KIAA0513: variants seen among roughly 807,000 people sequenced by gnomAD.
KIAA0513 encodes uncharacterized protein KIAA0513.
A neutral mutation model predicts 56.5 loss-of-function variants in KIAA0513; 39 were observed. That is an observed-to-expected ratio of 0.69 (90% CI 0.53 to 0.90). KIAA0513 has a LOEUF of 0.90. KIAA0513 is among the 40% of genes least tolerant of loss of function. The pLI is 0.00. For missense variants in KIAA0513, 591 were observed against 535.2 expected (o/e 1.10, Z -1.03); for synonymous variants, 268 against 215.6 (o/e 1.24, Z -2.13).
rs1460366309 is a variant in KIAA0513, at chr16:85,057,757, C to CTT, written c.-172-9139_-172-9138dup. On this transcript the variant is annotated intron_variant, in intron 1 of 12. Transcript: ENST00000683363. ...ATCTCCACTGGAGAGGCTGCCTCTG[C>CTT]TTTTTGTTTTTGTTTTTTTTTTTTT... Among the ~76,000 whole-genome samples the CTT allele has an allele frequency of 3.3e-4, 49 of 147,856 alleles. 1 individual carries two copies. Among genetic ancestry groups the CTT allele is most frequent in the African/African-American group, 8.7e-4 (33 of 38,094 alleles).
intron 1 of KIAA0513, chr16:85,063,380 C>G (rs569800351): frequency 2.0e-5 from 3 of 152,312 alleles, no homozygotes; most frequent in Non-Finnish European, 4.4e-5. Flanking sequence ...ATTCTCCTGC[C>G]TCAGCCTTCC....
chr16:85,045,699 G>A (rs539463317), intron 1 of KIAA0513, among the ~76,000 whole-genome samples: 2 of 152,256 alleles, frequency 1.3e-5, no homozygotes, highest in East Asian at 1.9e-4. Context: ...TCCTGGAACC[G>A]GGATCCGTTT....
At chr16:85,069,207 GTT>G (rs548885026) in intron 2 of KIAA0513, among the ~76,000 whole-genome samples, 3 of 138,554 alleles carry the variant, frequency 2.2e-5, no homozygotes, top group African/African-American at 5.3e-5. Flanking sequence ...ATTTTTTTGT[GTT>G]TTTTTTTTTT....
intron 1 of KIAA0513, among the ~76,000 whole-genome samples, chr16:85,029,449 C>G (rs2072932924): frequency 1.3e-5 from 2 of 152,206 alleles, no homozygotes; most frequent in African/African-American, 4.8e-5. Context: ...CTTAAATAAT[C>G]TGCTGCCAAA....
chr16:85,067,933 C>T (rs2073512900), intron 2 of KIAA0513, among the ~76,000 whole-genome samples: 1 of 151,686 alleles, frequency 6.6e-6, no homozygotes, highest in Admixed American at 6.6e-5. Flanking sequence ...GTCTCAGCCT[C>T]CCGAGTAGCT....
At chr16:85,053,280 A>G (rs34476403) in intron 1 of KIAA0513, among the ~76,000 whole-genome samples, 10,016 of 152,286 alleles carry the variant, frequency 0.066, 361 homozygotes, top group Middle Eastern at 0.099. Flanking sequence ...GATACACGGA[A>G]GGTACTCAGG....
chr16:85,071,765 C>CTTTTTT lies in KIAA0513; in HGVS notation c.330-8_330-3dup. 2.5e-6 allele frequency: 3 copies of CTTTTTT among 1,206,494 alleles called. No homozygotes were observed. The highest frequency in any genetic ancestry group is 2.7e-5 in the East Asian group (1 of 37,724). The allele number at this position is 1,206,494 out of a possible 1,614,324, so 74.7% of individuals were successfully genotyped here. ...GGGTTTTTTTTTTTTTTCCTCTGCT[C>CTTTTTT]TTTTTTTTTTTTTTTAGGGAGGACT... On this transcript the variant is annotated splice_polypyrimidine_tract_variant and intron_variant, in intron 2 of 12. Transcript: ENST00000683363.
intron 1 of KIAA0513, chr16:85,063,360 G>A (rs3751749): frequency 0.075 from 11,475 of 152,326 alleles, 642 homozygotes; most frequent in Non-Finnish European, 0.1. Flanking sequence ...CCACCTCCCC[G>A]GTTCAAGTGA....
rs765770725 is a variant in KIAA0513 at position 85,044,695 on chromosome 16, CG to C, written c.-173+16842del. On this transcript the variant is annotated intron_variant, in intron 1 of 12. Transcript: ENST00000683363. ...CTAATTTCTGTGCTTTTAGTAGAGA[CG>C]GGGGTTTCACCATGTTGGCCAGGCT... 9.2e-5 allele frequency among the ~76,000 whole-genome samples: 14 copies of C among 151,622 alleles called. No homozygotes were observed. In the East Asian group the frequency reaches 9.8e-4, roughly 11 times the overall value.
At chr16:85,055,135 C>G (rs149397150) in intron 1 of KIAA0513, among the ~76,000 whole-genome samples, 1 of 152,150 alleles carries the variant, frequency 6.6e-6, no homozygotes, top group African/African-American at 2.4e-5. Context: ...TGTGCCCAGG[C>G]TGGTCTCAAA....
In KIAA0513 at chr16:85,071,663, G is replaced by T. The variant is rs1486336642; in HGVS notation, c.330-120G>T. 1.8e-5 allele frequency: 14 copies of T among 761,920 alleles called. No individual in the cohort carries two copies. The East Asian group carries it at 3.8e-4, about 20-fold the overall frequency. The allele number at this position is 761,920 out of a possible 1,614,324, so 47.2% of individuals were successfully genotyped here. On this transcript the variant is annotated intron_variant, in intron 2 of 12. Coordinates refer to ENST00000683363, the MANE Select transcript of KIAA0513 (RefSeq NM_001388359.1). The stretch of plus-strand genomic sequence containing the variant: ...GGCTGAGATGAGCTGATGGGAGTTG[G>T]GGTCTGTGCTTGGCTGGGGAATATT...
intron 1 of KIAA0513, among the ~76,000 whole-genome samples, chr16:85,058,093 G>C (rs191713632): frequency 9.2e-5 from 14 of 152,324 alleles, no homozygotes; most frequent in Non-Finnish European, 1.6e-4. Flanking sequence ...GCACGCGGAT[G>C]CTATTTTGGT....
Position 85,076,198 on chromosome 16 carries a change from A to C in KIAA0513, c.574+284A>C, listed in dbSNP as rs747848331. ...GCTGGTAGGAGATGAGAAAAGAAAC[A>C]AGCTAGGCAGGACATTTCATGGTGG... On this transcript the variant is annotated intron_variant, in intron 5 of 12. Coordinates refer to ENST00000683363, the MANE Select transcript of KIAA0513 (RefSeq NM_001388359.1). This position sits in a 1 kb window ranked among gnomAD's most constrained non-coding sequence, Gnocchi z 4.7. 1.3e-5 allele frequency among the ~76,000 whole-genome samples: 2 copies of C among 152,190 alleles called. No homozygotes were observed. The highest frequency in any genetic ancestry group is 2.9e-5 in the Non-Finnish European group (2 of 68,026).
intron 6 of KIAA0513, 53 bp from the exon 7 acceptor site, chr16:85,078,362 G>A: frequency 6.2e-7 from 1 of 1,603,456 alleles, no homozygotes; most frequent in Non-Finnish European, 8.5e-7. Context: ...TCTTTGAGTT[G>A]AGAAAGTGTG....
At chr16:85,073,694 C>T (rs541075813) in intron 4 of KIAA0513, among the ~76,000 whole-genome samples, 3 of 152,318 alleles carry the variant, frequency 2.0e-5, no homozygotes, top group African/African-American at 2.4e-5. Context: ...GTGGCCTGAC[C>T]GACCCGGAGC....
chr16:85,082,402 G>C (rs1348249332), intron 9 of KIAA0513, among the ~76,000 whole-genome samples, 162 bp from the exon 10 acceptor site: 1 of 152,068 alleles, frequency 6.6e-6, no homozygotes, highest in Non-Finnish European at 1.5e-5. Flanking sequence ...TTAGTTCTCA[G>C]ACTTCTAGGA....
In KIAA0513 at chr16:85,071,650, C is replaced by G. The variant is rs74031419; in HGVS notation, c.330-133C>G. The G allele has an allele frequency of 5.7e-3, 3,934 of 690,846 alleles. 129 individuals are homozygous for G. The African/African-American group carries it at 0.063, about 11-fold the overall frequency. 42.8% of individuals were successfully genotyped at this position (690,846 alleles called of 1,614,324 possible). On this transcript the variant is annotated intron_variant, in intron 2 of 12. Coordinates refer to ENST00000683363, the MANE Select transcript of KIAA0513 (RefSeq NM_001388359.1). ...GGGACCGCCCGGAGGCTGAGATGAG[C>G]TGATGGGAGTTGGGGTCTGTGCTTG... is the stretch of plus-strand genomic sequence containing the variant.
chr16:85,088,137 G>T (rs1337541592), intron 12 of KIAA0513, 139 bp from the exon 13 acceptor site: 2 of 751,444 alleles, frequency 2.7e-6, no homozygotes, highest in Admixed American at 3.9e-5. Flanking sequence ...CGTGTGGCCT[G>T]CAGAAGGCAG....
Position 85,081,480 on chromosome 16 carries a change from G to A in KIAA0513, c.980+88G>A. ...CCGGTTTCGGAAGAGGAGAGCAGAA[G>A]AGCAGCTGAGTGGACGTGTCTGTTT... On this transcript the variant is annotated intron_variant, in intron 9 of 12. Coordinates refer to ENST00000683363, the MANE Select transcript of KIAA0513 (RefSeq NM_001388359.1). This position sits in a 1 kb window ranked among gnomAD's most constrained non-coding sequence, Gnocchi z 4.4. 1 of 1,164,448 alleles carries A rather than the reference G, an allele frequency of 8.6e-7. No individual in the cohort carries two copies. The highest frequency in any genetic ancestry group is 1.3e-6 in the Non-Finnish European group (1 of 795,568). The allele number at this position is 1,164,448 out of a possible 1,614,324, so 72.1% of individuals were successfully genotyped here. A position where few individuals can be genotyped will look rare whatever the true frequency, so the allele number is the denominator to read the frequency against.
Sources: allele counts gnomAD v4.1 joint callset (sites outside exome capture counted in the v4.1 genomes callset), GRCh38; gene constraint gnomAD v4.1.1; non-coding constraint Gnocchi (gnomAD v3.1); transcripts MANE v1.5; gene names NCBI Gene and HGNC (gene_info 2026-07-23, HGNC 2026-07-21).